Variants in RPRD2 observed in about 807,000 individuals in gnomAD.
The protein encoded by RPRD2 is regulation of nuclear pre-mRNA domain-containing protein 2.
In RPRD2, 12 loss-of-function variants were observed where a neutral mutation model predicts 104.4. The observed-to-expected ratio is 0.11, with a 90% confidence interval of 0.07 to 0.19. The LOEUF is 0.19. Ranked by LOEUF, RPRD2 falls within the 10% of genes least tolerant of loss-of-function variation. RPRD2 has a pLI of 1.00. For missense variants in RPRD2, 1,543 were observed against 1,790.1 expected, an observed-to-expected ratio of 0.86 and a Z score of 2.49; for synonymous variants, 714 against 684.9, an observed-to-expected ratio of 1.04 and a Z score of -0.66.
At chr1:150,376,640 A>C (rs1010234578) in intron 1 of RPRD2, among the ~76,000 whole-genome samples, 1 of 151,620 alleles carries the variant, frequency 6.6e-6, no homozygotes, top group African/African-American at 2.4e-5. Flanking sequence ...AGCTGGGACT[A>C]CAGGCGCCCG....
At chr1:150,389,796 A>G (rs138713321) in intron 1 of RPRD2, among the ~76,000 whole-genome samples, 194 of 152,308 alleles carry the variant, frequency 1.3e-3, no homozygotes, top group Non-Finnish European at 2.1e-3. Flanking sequence ...GAGGTTTCCA[A>G]GGGTCTGTTC....
chr1:150,365,277 C>T (rs1202043577), intron 1 of RPRD2, among the ~76,000 whole-genome samples: 1 of 152,186 alleles, frequency 6.6e-6, no homozygotes, highest in Admixed American at 6.5e-5. Context: ...CAGGCCTTGA[C>T]GTGTTAATGA....
intron 7 of RPRD2, 84 bp downstream of exon 7, chr1:150,446,485 AG>A: frequency 8.4e-7 from 1 of 1,191,436 alleles, no homozygotes; most frequent in Non-Finnish European, 1.2e-6. Context: ...TAACTCTGTT[AG>A]GATATGCATT....
rs368347414 is a variant in RPRD2, at chr1:150,470,876, C to A, written c.1928C>A (p.Pro643His). The change falls in exon 11 of 11, where the codon CCT (proline) becomes CAT (histidine). Residue 643 changes from proline to histidine, a missense_variant. This residue lies in a region of RPRD2 where 572 missense variants were observed against 787.3 expected (regional missense o/e 0.73). Coordinates refer to ENST00000369068, the MANE Select transcript of RPRD2 (RefSeq NM_015203.5). ...CACAATACTAGCCCTGCTGCCCCAC[C>A]TACTGAAGTTACCATCTGCCAATCT... is the stretch of plus-strand genomic sequence containing the variant. ...ATHNTSPAAPPTEVTICQSSE... is the reference protein window; with the variant it reads ...ATHNTSPAAPHTEVTICQSSE... The A allele has an allele frequency of 1.2e-6, 2 of 1,614,032 alleles. No homozygotes were observed. The highest frequency in any genetic ancestry group is 4.5e-5 in the East Asian group (2 of 44,890).
intron 1 of RPRD2, among the ~76,000 whole-genome samples, chr1:150,406,825 C>A (rs1663520299): frequency 6.6e-6 from 1 of 152,204 alleles, no homozygotes. Context: ...AGTGATTCTC[C>A]TGGCTCAACT....
In RPRD2 at chr1:150,461,634, G is replaced by A. The variant is rs587688477; in HGVS notation, c.1411+1317G>A. 3.3e-5 allele frequency among the ~76,000 whole-genome samples: 5 copies of A among 152,016 alleles called. No individual in the cohort carries two copies. The South Asian group carries it at 1.0e-3, about 32-fold the overall frequency. The stretch of plus-strand genomic sequence containing the variant: ...GAGGCAGGTTGATCACTTGAGGCCA[G>A]GAGTTGGAGACAAACCTGGACAACA... On this transcript the variant is annotated intron_variant, in intron 9 of 10. Transcript: ENST00000369068.
chr1:150,446,831 G>GTTTT, intron 7 of RPRD2, among the ~76,000 whole-genome samples: 5 of 105,770 alleles, frequency 4.7e-5, no homozygotes, highest in African/African-American at 1.2e-4. Flanking sequence ...TAAGACCTGG[G>GTTTT]TCTTTTTTTT....
chr1:150,364,984 G>C, intron 1 of RPRD2, 65 bp downstream of exon 1: 1 of 1,532,926 alleles, frequency 6.5e-7, no homozygotes, highest in Non-Finnish European at 8.9e-7. Flanking sequence ...GGCCTGAAAC[G>C]CTTGGGGTTT....
chr1:150,389,438 G>A (rs199879047), intron 1 of RPRD2, among the ~76,000 whole-genome samples: 1 of 152,032 alleles, frequency 6.6e-6, no homozygotes. Context: ...GTTGTTTTTT[G>A]TTTTAATGAT....
At position 150,472,650 on chromosome 1, in the gene RPRD2, T is replaced by C. The variant is rs747888866; in HGVS notation, c.3702T>C (p.His1234=). The C allele has an allele frequency of 6.2e-6, 10 of 1,613,874 alleles. No homozygotes were observed. In the South Asian group the frequency reaches 8.8e-5, roughly 14 times the overall value. The change falls in exon 11 of 11, where the codon CAT becomes CAC. Residue 1234 remains histidine (H), a synonymous_variant. Coordinates refer to ENST00000369068, the MANE Select transcript of RPRD2 (RefSeq NM_015203.5). ...GGIFSRDAPT[H]LPSVDLSNPF... is the part of the protein sequence containing the mutation. ...TCTTCTCTCGAGATGCACCCACTCATCTACCCTCTGTGGATCTTTCGAACC... is the reference window on the plus strand; with the variant it reads ...TCTTCTCTCGAGATGCACCCACTCACCTACCCTCTGTGGATCTTTCGAACC...
chr1:150,393,860 A>G (rs1034892200), intron 1 of RPRD2, among the ~76,000 whole-genome samples: 5 of 152,120 alleles, frequency 3.3e-5, no homozygotes, highest in Non-Finnish European at 5.9e-5. Flanking sequence ...ACTCTCCTAC[A>G]TTGAGAGATA....
At position 150,474,781 on chromosome 1, in the gene RPRD2, C is replaced by T. The variant is rs1668806254; in HGVS notation, c.*1447C>T. ...AGTAAAACAGTATGTGTTTAGTTTTCCAGAGAATTCTGGCAAGTTTCATAT... is the reference window on the plus strand; with the variant it reads ...AGTAAAACAGTATGTGTTTAGTTTTTCAGAGAATTCTGGCAAGTTTCATAT... On this transcript the variant is annotated 3_prime_UTR_variant, in exon 11 of 11. Coordinates refer to ENST00000369068, the MANE Select transcript of RPRD2 (RefSeq NM_015203.5). 1 of 151,996 alleles carries T rather than the reference C, an allele frequency of 6.6e-6. No individual in the cohort carries two copies. Among genetic ancestry groups the T allele is most frequent in the South Asian group, 2.1e-4 (1 of 4,814 alleles). 9.4% of individuals were successfully genotyped at this position (151,996 alleles called of 1,614,324 possible). A position where few individuals can be genotyped will look rare whatever the true frequency, so the allele number is the denominator to read the frequency against.
At chr1:150,410,890 CT>C (rs1372659672) in intron 1 of RPRD2, among the ~76,000 whole-genome samples, 3 of 152,140 alleles carry the variant, frequency 2.0e-5, no homozygotes, top group Non-Finnish European at 2.9e-5. Flanking sequence ...TCCTTCCTGG[CT>C]TTAGTCTGTC....
chr1:150,439,820 A>C, intron 2 of RPRD2, among the ~76,000 whole-genome samples: 1 of 152,108 alleles, frequency 6.6e-6, no homozygotes, highest in East Asian at 1.9e-4. Context: ...TCCTGAGATC[A>C]CACCAGTTTG....
rs782572087 is a variant in RPRD2 at position 150,364,843 on chromosome 1, C to A, written c.129C>A (p.Gly43=). 2.5e-6 allele frequency: 4 copies of A among 1,613,682 alleles called. No homozygotes were observed. The highest frequency in any genetic ancestry group is 3.4e-6 in the Non-Finnish European group (4 of 1,179,706). Residue 43 remains glycine (G), a synonymous_variant, in exon 1 of 11, where the codon GGC becomes GGA. Transcript: ENST00000369068. ...CCAACACCATGGAGTCCATTCAAGG[C>A]TTGTCGTCTTGGTGTATAGAGAACA... ...SVTNTMESIQ[G]LSSWCIENKK...
At position 150,380,130 on chromosome 1, in the gene RPRD2, A is replaced by G. The variant is rs187471394; in HGVS notation, c.205+15211A>G. 1.5e-3 allele frequency among the ~76,000 whole-genome samples: 234 copies of G among 152,344 alleles called. 1 individual carries two copies. Among genetic ancestry groups the G allele is most frequent in the African/African-American group, 5.2e-3 (217 of 41,580 alleles). ...ATGGACATAAAAATATACTACATTT[A>G]TAGCATCACTACCCACCATTTTATA... is the stretch of plus-strand genomic sequence containing the variant. On this transcript the variant is annotated intron_variant, in intron 1 of 10. Coordinates refer to ENST00000369068, the MANE Select transcript of RPRD2 (RefSeq NM_015203.5).
Position 150,390,794 on chromosome 1 carries a change from T to C in RPRD2, c.205+25875T>C, listed in dbSNP as rs184804661. Among the ~76,000 whole-genome samples, 8 of 152,196 alleles carry C rather than the reference T, an allele frequency of 5.3e-5. No individual in the cohort carries two copies. In the East Asian group the frequency reaches 1.5e-3, roughly 29 times the overall value. On this transcript the variant is annotated intron_variant, in intron 1 of 10. Transcript: ENST00000369068. ...AAGGAAGAGCATAATGAGTCTAACA[T>C]GTGTGATTGAAGTCTTATAAGGAGA...
intron 1 of RPRD2, among the ~76,000 whole-genome samples, chr1:150,412,979 AAAGG>A (rs1438068128): frequency 1.8e-4 from 28 of 151,572 alleles, no homozygotes; most frequent in South Asian, 6.2e-4. Context: ...TCTTAAAAAA[AAAGG>A]AAGGAAGGAA....
In RPRD2 at chr1:150,463,058, G is replaced by A. The variant is rs1668042519; in HGVS notation, c.1412-1469G>A. Among the ~76,000 whole-genome samples the A allele has an allele frequency of 1.3e-5, 2 of 152,108 alleles. 1 individual carries two copies. The highest frequency in any genetic ancestry group is 4.1e-4 in the South Asian group (2 of 4,832). ...TTTGGTAGAGACAGTGTCTTACTAT[G>A]TTGCCCAGGCTGATCTTGAACTCCT... On this transcript the variant is annotated intron_variant, in intron 9 of 10. Coordinates refer to ENST00000369068, the MANE Select transcript of RPRD2 (RefSeq NM_015203.5).
Sources: gnomAD v4.1 joint callset for allele counts (sites outside exome capture counted in the v4.1 genomes callset) on GRCh38, gnomAD v4.1.1 for gene constraint, gnomAD v4.1.1 regional missense constraint, MANE v1.5 for transcripts, NCBI Gene and HGNC (gene_info 2026-07-23, HGNC 2026-07-21) for gene names.